ASCC1: variants seen among roughly 807,000 people sequenced by gnomAD.
The protein encoded by ASCC1 is ASC-1 complex subunit P50.
In ASCC1, 35 loss-of-function variants were observed where a neutral mutation model predicts 46.6. The ratio of observed to expected loss-of-function variants is 0.75; its 90% CI spans 0.57 to 0.99. The LOEUF is 0.99. ASCC1 is among the 50% of genes least tolerant of loss of function. The pLI is 0.00. For missense variants in ASCC1, 376 were observed against 428.7 expected (o/e 0.88, Z 1.09); for synonymous variants, 143 against 146.6 (o/e 0.98, Z 0.18).
chr10:72,182,697 T>C (rs911890682), intron 5 of ASCC1, among the ~76,000 whole-genome samples: 1 of 151,824 alleles, frequency 6.6e-6, no homozygotes, highest in Non-Finnish European at 1.5e-5. Context: ...AAACTTAAGC[T>C]GGGTATGGTG....
intron 8 of ASCC1, among the ~76,000 whole-genome samples, chr10:72,131,713 G>T (rs562556053): frequency 6.6e-6 from 1 of 152,150 alleles, no homozygotes; most frequent in East Asian, 1.9e-4. Context: ...ACTAAACGGG[G>T]TTAATTATCA....
At chr10:72,130,761 C>T (rs1845485093) in intron 8 of ASCC1, among the ~76,000 whole-genome samples, 1 of 152,250 alleles carries the variant, frequency 6.6e-6, no homozygotes, top group Non-Finnish European at 1.5e-5. Flanking sequence ...AGTTCACTTT[C>T]ACAGTCTCAC....
intron 4 of ASCC1, among the ~76,000 whole-genome samples, chr10:72,200,217 A>G (rs1856295197): frequency 6.6e-6 from 1 of 152,192 alleles, no homozygotes; most frequent in South Asian, 2.1e-4. Flanking sequence ...TACTACACAA[A>G]TAGAAAAAAT....
At chr10:72,102,731 T>C (rs1186945227) in intron 9 of ASCC1, 22 of 355,388 alleles carry the variant, frequency 6.2e-5, no homozygotes, top group Non-Finnish European at 9.9e-5. Flanking sequence ...TCCCAACACT[T>C]TGGGAGGCTA....
rs144536911 is a variant in ASCC1, at chr10:72,203,890, G to A, written c.213-366C>T. ...CCCTGCTACTCAAAAGACTGAGGTG[G>A]GAGAACTGCTTGAGACCAGGAGTTT... On this transcript the variant is annotated intron_variant, in intron 3 of 9. Transcript: ENST00000672957. Among the ~76,000 whole-genome samples, 155 of 152,268 alleles carry A rather than the reference G, an allele frequency of 1.0e-3. 3 individuals are homozygous for A. The highest frequency in any genetic ancestry group is 3.1e-3 in the African/African-American group (129 of 41,562).
At chr10:72,135,054 CAG>C (rs1354239799) in intron 7 of ASCC1, among the ~76,000 whole-genome samples, 1 of 152,094 alleles carries the variant, frequency 6.6e-6, no homozygotes, top group Non-Finnish European at 1.5e-5. Flanking sequence ...TCTGAAGATA[CAG>C]AGTTGAGTGA....
chr10:72,177,100 A>T (rs1350645316), intron 5 of ASCC1, among the ~76,000 whole-genome samples: 1 of 152,136 alleles, frequency 6.6e-6, no homozygotes, highest in East Asian at 1.9e-4. Flanking sequence ...TGTTATATAT[A>T]CCTGGTATAA....
chr10:72,195,498 A>G lies in ASCC1; in HGVS notation c.489+1313T>C, dbSNP rs1433172300. On this transcript the variant is annotated intron_variant, in intron 5 of 9. Transcript: ENST00000672957. ...ACAAAACAATGTTCATGGTAGAATG[A>G]TTACGCTTTCAAAAAAACTAGAATA... is the stretch of plus-strand genomic sequence containing the variant. Among the ~76,000 whole-genome samples the G allele has an allele frequency of 2.6e-5, 4 of 151,770 alleles. No individual in the cohort carries two copies. In the East Asian group the frequency reaches 7.7e-4, roughly 29 times the overall value.
chr10:72,212,277 C>T, intron 2 of ASCC1: 1 of 176,022 alleles, frequency 5.7e-6, no homozygotes, highest in Non-Finnish European at 1.2e-5. Flanking sequence ...CACGCCACTG[C>T]ACTCCAGCCT....
intron 9 of ASCC1, among the ~76,000 whole-genome samples, chr10:72,099,874 T>A (rs577424470): frequency 1.5e-4 from 23 of 152,152 alleles, no homozygotes; most frequent in Non-Finnish European, 2.9e-4. Context: ...CCTTGTGTGC[T>A]CACTGAGCAG....
At chr10:72,167,004 C>A (rs781771947) in intron 5 of ASCC1, among the ~76,000 whole-genome samples, 11 of 152,036 alleles carry the variant, frequency 7.2e-5, no homozygotes, top group Admixed American at 1.3e-4. Flanking sequence ...TAAAACAGCA[C>A]GGCCACTTTG....
At chr10:72,187,961 GA>G (rs942110001) in intron 5 of ASCC1, among the ~76,000 whole-genome samples, 7 of 145,992 alleles carry the variant, frequency 4.8e-5, no homozygotes, top group East Asian at 2.0e-4. Flanking sequence ...TCAAAAAAAA[GA>G]AAAAAAAAAT....
chr10:72,142,365 CTTT>C (rs71018255), intron 7 of ASCC1, among the ~76,000 whole-genome samples: 1 of 137,106 alleles, frequency 7.3e-6, no homozygotes, highest in Non-Finnish European at 1.6e-5. Flanking sequence ...GCAGATTTCA[CTTT>C]TTTTTTTTTT....
intron 9 of ASCC1, among the ~76,000 whole-genome samples, chr10:72,117,801 T>C (rs1256038612): frequency 6.6e-6 from 1 of 152,206 alleles, no homozygotes; most frequent in Non-Finnish European, 1.5e-5. Context: ...AGTTTGTGTA[T>C]TAGCTTTAAA....
At chr10:72,195,543 AATTTT>A (rs1319489189) in intron 5 of ASCC1, among the ~76,000 whole-genome samples, 4 of 151,694 alleles carry the variant, frequency 2.6e-5, no homozygotes, top group Admixed American at 1.3e-4. Context: ...ATACAAGCTA[AATTTT>A]ATTTTATTTT....
chr10:72,216,287 A>C (rs1235785981), upstream of ASCC1: 1 of 158,646 alleles, frequency 6.3e-6, no homozygotes, highest in African/African-American at 2.4e-5. Flanking sequence ...AAATTTCCCC[A>C]GGCCGGGTTT....
At chr10:72,191,054 T>C (rs1004467895) in intron 5 of ASCC1, among the ~76,000 whole-genome samples, 2 of 138,756 alleles carry the variant, frequency 1.4e-5, no homozygotes, top group African/African-American at 2.7e-5. Context: ...TAAGCGGTGG[T>C]GTATCTTGTT....
At chr10:72,110,129 G>A (rs1454393115) in intron 9 of ASCC1, among the ~76,000 whole-genome samples, 2 of 152,222 alleles carry the variant, frequency 1.3e-5, no homozygotes, top group Admixed American at 6.5e-5. Context: ...TGTTTCTGCA[G>A]ATAAATTCTC....
intron 3 of ASCC1, among the ~76,000 whole-genome samples, chr10:72,203,991 G>A (rs908947624): frequency 3.3e-5 from 5 of 152,142 alleles, no homozygotes; most frequent in Admixed American, 6.6e-5. Flanking sequence ...GCTCACGCCT[G>A]TAATCCCAGC....
Sources: gnomAD v4.1 joint callset for allele counts (sites outside exome capture counted in the v4.1 genomes callset) on GRCh38, gnomAD v4.1.1 for gene constraint, MANE v1.5 for transcripts, NCBI Gene and HGNC (gene_info 2026-07-23, HGNC 2026-07-21) for gene names.